The following ATF7IP2 variants were observed in gnomAD, a reference collection of about 807,000 sequenced individuals.
ATF7IP2 encodes the protein activating transcription factor 7-interacting protein 2.
Under a neutral mutation model 64.2 loss-of-function variants are expected in ATF7IP2, and 42 were observed. The ratio of observed to expected loss-of-function variants is 0.65; its 90% CI spans 0.51 to 0.85. The LOEUF is 0.85. Ranked by LOEUF, ATF7IP2 falls within the 40% of genes least tolerant of loss-of-function variation. The probability of loss-of-function intolerance (pLI) is 0.00; values close to 1 mark genes in which losing one functional copy is unlikely to be tolerated. For synonymous variants in ATF7IP2, 308 were observed against 272.8 expected (o/e 1.13, Z -1.27); for missense variants, 933 against 784.2 (o/e 1.19, Z -2.27).
chr16:10,439,621 C>T (rs969589538), intron 7 of ATF7IP2, among the ~76,000 whole-genome samples: 4 of 149,304 alleles, frequency 2.7e-5, no homozygotes, highest in African/African-American at 9.9e-5. Flanking sequence ...CAACCTCTGC[C>T]TCCCAGGTTC....
chr16:10,467,160 A>G (rs1354074395), intron 9 of ATF7IP2, among the ~76,000 whole-genome samples: 3 of 152,136 alleles, frequency 2.0e-5, no homozygotes, highest in Non-Finnish European at 4.4e-5. Flanking sequence ...CTGGTCTCTA[A>G]GACATAGCCT....
chr16:10,415,401 G>C (rs921138043), intron 2 of ATF7IP2, among the ~76,000 whole-genome samples: 1 of 152,182 alleles, frequency 6.6e-6, no homozygotes, highest in East Asian at 1.9e-4. Flanking sequence ...TCAATAAATG[G>C]TGCTGGGAAA....
At chr16:10,412,337 C>A (rs549115648) in intron 1 of ATF7IP2, among the ~76,000 whole-genome samples, 1 of 152,146 alleles carries the variant, frequency 6.6e-6, no homozygotes, top group African/African-American at 2.4e-5. Flanking sequence ...CCTCCTAGCC[C>A]CGCCTTTGCT....
chr16:10,435,932 G>A lies in ATF7IP2; in HGVS notation c.961-2169G>A, dbSNP rs367877713. ...ACACTGTACAAAACAGTGTTTCCACGTTCAAAAGATTTAGATTTGTTTCTC... is the reference window on the plus strand; with the variant it reads ...ACACTGTACAAAACAGTGTTTCCACATTCAAAAGATTTAGATTTGTTTCTC... On this transcript the variant is annotated intron_variant, in intron 6 of 13. Transcript: ENST00000562102. Among the ~76,000 whole-genome samples the A allele has an allele frequency of 2.6e-4, 39 of 152,220 alleles. No individual in the cohort carries two copies. In the South Asian group the frequency reaches 5.2e-3, roughly 20 times the overall value.
At chr16:10,411,661 G>A (rs542707211) in intron 1 of ATF7IP2, among the ~76,000 whole-genome samples, 9 of 152,172 alleles carry the variant, frequency 5.9e-5, no homozygotes, top group East Asian at 5.8e-4. Flanking sequence ...GAGCCACTGC[G>A]CCTGGCCTAT....
chr16:10,452,580 G>A (rs1295670349), intron 8 of ATF7IP2, among the ~76,000 whole-genome samples: 1 of 152,206 alleles, frequency 6.6e-6, no homozygotes, highest in Non-Finnish European at 1.5e-5. Flanking sequence ...ATACACGGGG[G>A]TCAGGGACCC....
chr16:10,476,500 T>TG (rs564543739), intron 12 of ATF7IP2, among the ~76,000 whole-genome samples: 15,754 of 151,888 alleles, frequency 0.1, 1,775 homozygotes, highest in African/African-American at 0.28. Flanking sequence ...GTGTGTGTGT[T>TG]TTTTTTTAAA....
In ATF7IP2 at chr16:10,482,465, T is replaced by TATCA. The variant is rs1156579869; in HGVS notation, c.*217_*220dup. ...AATGGATAAGTTCTAAAACATACGCTATCATTGGCCCATGTTGCTGAGGTG... is the reference window on the plus strand; with the variant it reads ...AATGGATAAGTTCTAAAACATACGCTATCAATCATTGGCCCATGTTGCTGAGGTG... On this transcript the variant is annotated 3_prime_UTR_variant, in exon 14 of 14. Coordinates refer to ENST00000562102, the MANE Select transcript of ATF7IP2 (RefSeq NM_001393719.1). 2.4e-6 allele frequency: 1 copy of TATCA among 416,510 alleles called. No individual in the cohort carries two copies. The highest frequency in any genetic ancestry group is 4.2e-5 in the Admixed American group (1 of 23,690). The allele number at this position is 416,510 out of a possible 1,614,324, so 25.8% of individuals were successfully genotyped here.
chr16:10,398,678 A>G (rs954365681), intron 1 of ATF7IP2, among the ~76,000 whole-genome samples: 2 of 152,214 alleles, frequency 1.3e-5, no homozygotes, highest in African/African-American at 4.8e-5. Flanking sequence ...TAATCTAGAC[A>G]CAGACAAATA....
chr16:10,413,299 C>T lies in ATF7IP2; in HGVS notation c.-241-1275C>T, dbSNP rs184397674. ...GGACCAGTCTTTCTCATGCTATTCT[C>T]GTGATAGTGAATAAGTCTCATGAGA... On this transcript the variant is annotated intron_variant, in intron 1 of 13. Coordinates refer to ENST00000562102, the MANE Select transcript of ATF7IP2 (RefSeq NM_001393719.1). Among the ~76,000 whole-genome samples, 467 of 152,224 alleles carry T rather than the reference C, an allele frequency of 3.1e-3. 4 individuals are homozygous for T. Among genetic ancestry groups the T allele is most frequent in the Middle Eastern group, 0.014 (4 of 294 alleles).
In ATF7IP2 at chr16:10,430,996, C is replaced by T; in HGVS notation, c.376C>T (p.Pro126Ser). 1 of 1,614,116 alleles carries T rather than the reference C, an allele frequency of 6.2e-7. No individual in the cohort carries two copies. Among genetic ancestry groups the T allele is most frequent in the Non-Finnish European group, 8.5e-7 (1 of 1,180,028 alleles). The change falls in exon 5 of 14, where the codon CCC becomes TCC. Residue 126 changes from proline (P) to serine (S), a missense_variant. By Grantham distance (74) the Pro-to-Ser change is moderately conservative. Coordinates refer to ENST00000562102, the MANE Select transcript of ATF7IP2 (RefSeq NM_001393719.1). ...YQKPSRTTES[P>S]SRVFTEEAKD... ...AAAGCCAAGTAGAACAACAGAATCC[C>T]CCAGCAGAGTCTTCACAGAAGAGGC...
intron 5 of ATF7IP2, among the ~76,000 whole-genome samples, chr16:10,433,115 C>T (rs2048311664): frequency 6.6e-6 from 1 of 152,100 alleles, no homozygotes; most frequent in Non-Finnish European, 1.5e-5. Flanking sequence ...AAAAATGCTG[C>T]AGTGTCACAT....
rs2050289106 is a variant in ATF7IP2, at chr16:10,482,922, C to T, written c.*673C>T. 1 of 152,232 alleles carries T rather than the reference C, an allele frequency of 6.6e-6. No homozygotes were observed. Among genetic ancestry groups the T allele is most frequent in the Non-Finnish European group, 1.5e-5 (1 of 68,062 alleles). 9.4% of individuals were successfully genotyped at this position (152,232 alleles called of 1,614,324 possible). On this transcript the variant is annotated 3_prime_UTR_variant, in exon 14 of 14. Coordinates refer to ENST00000562102, the MANE Select transcript of ATF7IP2 (RefSeq NM_001393719.1). ...AGAGATGAGGTTTCACCTTGTTGGTCAGGCTGGTCTCAAACTCCTGACCTC... is the reference window on the plus strand; with the variant it reads ...AGAGATGAGGTTTCACCTTGTTGGTTAGGCTGGTCTCAAACTCCTGACCTC...
intron 1 of ATF7IP2, among the ~76,000 whole-genome samples, chr16:10,404,541 C>T (rs2043764741): frequency 1.3e-5 from 2 of 152,082 alleles, no homozygotes; most frequent in African/African-American, 2.4e-5. Flanking sequence ...GCCACTCTGC[C>T]CAGCCTTTTT....
At chr16:10,454,408 CAAAAAAAAAAAAAAAA>C (rs34720125) in intron 8 of ATF7IP2, 4 of 48,142 alleles carry the variant, frequency 8.3e-5, no homozygotes, top group Non-Finnish European at 2.7e-4. Context: ...GACTCCATCT[CAAAAAAAAAAAAAAAA>C]AAAAAAAAAA....
chr16:10,400,347 T>G lies in ATF7IP2; in HGVS notation c.-242+14225T>G, dbSNP rs2047503431. On this transcript the variant is annotated intron_variant, in intron 1 of 13. Transcript: ENST00000562102. ...TTAGCCACCGTGCCCAGCCGTGTGT[T>G]GATTTTTGCATCCTGAAACTTAGTT... Among the ~76,000 whole-genome samples the G allele has an allele frequency of 2.0e-5, 3 of 152,230 alleles. No individual in the cohort carries two copies. The South Asian group carries it at 6.2e-4, about 32-fold the overall frequency.
At chr16:10,395,754 T>C (rs778750915) in intron 1 of ATF7IP2, among the ~76,000 whole-genome samples, 2 of 152,102 alleles carry the variant, frequency 1.3e-5, no homozygotes, top group Non-Finnish European at 2.9e-5. Context: ...CATTAAACAA[T>C]AGGGAAAGTT....
chr16:10,425,425 T>TAA (rs199525589), intron 3 of ATF7IP2, among the ~76,000 whole-genome samples: 1 of 146,468 alleles, frequency 6.8e-6, no homozygotes. Flanking sequence ...ATTCAGATCT[T>TAA]AAAAAAAAAA....
chr16:10,464,070 C>T (rs1358483884), intron 9 of ATF7IP2, among the ~76,000 whole-genome samples: 1 of 152,174 alleles, frequency 6.6e-6, no homozygotes, highest in Admixed American at 6.5e-5. Context: ...GCTCACTTCT[C>T]TTGGATCTTG....
Sources: allele counts gnomAD v4.1 joint callset (sites outside exome capture counted in the v4.1 genomes callset), GRCh38; gene constraint gnomAD v4.1.1; transcripts MANE v1.5; gene names NCBI Gene and HGNC (gene_info 2026-07-23, HGNC 2026-07-21).